Variants in DSE observed in about 807,000 individuals in gnomAD.
DSE encodes the protein dermatan sulfate epimerase, also known as dermatan-sulfate epimerase.
In DSE, 36 loss-of-function variants were observed where a neutral mutation model predicts 84.4. That is an observed-to-expected ratio of 0.43 (90% CI 0.33 to 0.56). DSE has a LOEUF of 0.56. DSE is among the 20% of genes least tolerant of loss of function. The pLI is 0.06. For synonymous variants in DSE, 410 were observed against 430.1 expected (o/e 0.95, Z 0.58); for missense variants, 862 against 1,169.6 (o/e 0.74, Z 3.84).
At chr6:116,295,610 GC>G (rs1475704359) in intron 2 of DSE, among the ~76,000 whole-genome samples, 3 of 152,244 alleles carry the variant, frequency 2.0e-5, no homozygotes, top group South Asian at 2.1e-4. Context: ...TTTTCAGAAA[GC>G]AATAATGTGT....
intron 3 of DSE, among the ~76,000 whole-genome samples, chr6:116,430,205 GT>G (rs1414353039): frequency 1.3e-5 from 2 of 152,116 alleles, no homozygotes; most frequent in Non-Finnish European, 2.9e-5. Flanking sequence ...CAGCCCCACT[GT>G]GCTGCCTTTT....
chr6:116,310,086 T>C (rs892830670), intron 2 of DSE, among the ~76,000 whole-genome samples: 12 of 152,252 alleles, frequency 7.9e-5, no homozygotes. Flanking sequence ...ATAATCTTAT[T>C]TAATCCCTAC....
intron 3 of DSE, 152 bp from the exon 4 acceptor site, chr6:116,430,802 G>T: frequency 9.7e-7 from 1 of 1,030,860 alleles, no homozygotes; most frequent in Non-Finnish European, 1.4e-6. Flanking sequence ...TGGATTACAA[G>T]ATGTTATTTA....
intron 2 of DSE, among the ~76,000 whole-genome samples, chr6:116,329,885 G>A (rs909834644): frequency 6.6e-6 from 1 of 152,154 alleles, no homozygotes. Flanking sequence ...GTGCAATGAC[G>A]CGATCTCAGC....
intron 2 of DSE, among the ~76,000 whole-genome samples, chr6:116,318,483 C>A (rs1776119907): frequency 6.7e-6 from 1 of 148,858 alleles, no homozygotes. Context: ...GGCTGGGCAA[C>A]AGAGTGAGAT....
intron 2 of DSE, among the ~76,000 whole-genome samples, chr6:116,281,345 A>G (rs1285313980): frequency 6.6e-6 from 1 of 152,230 alleles, no homozygotes; most frequent in African/African-American, 2.4e-5. Context: ...AAACTCCAGC[A>G]CTATAAGAAA....
At chr6:116,417,742 A>G (rs1454554355) in intron 2 of DSE, among the ~76,000 whole-genome samples, 1 of 151,952 alleles carries the variant, frequency 6.6e-6, no homozygotes, top group East Asian at 1.9e-4. Context: ...CCATTCTGTC[A>G]TACCGTTCAT....
At chr6:116,272,542 G>A (rs1772926777) in intron 2 of DSE, among the ~76,000 whole-genome samples, 1 of 152,142 alleles carries the variant, frequency 6.6e-6, no homozygotes, top group Non-Finnish European at 1.5e-5. Context: ...GAAACTCTAC[G>A]ATATACCAGG....
chr6:116,322,632 T>C (rs1776397045), intron 2 of DSE, among the ~76,000 whole-genome samples: 1 of 152,068 alleles, frequency 6.6e-6, no homozygotes, highest in Non-Finnish European at 1.5e-5. Context: ...GATTGCCTTC[T>C]TCCTAAAATA....
chr6:116,357,575 C>G (rs1363263015), intron 2 of DSE, among the ~76,000 whole-genome samples: 3 of 152,090 alleles, frequency 2.0e-5, no homozygotes, highest in African/African-American at 7.2e-5. Flanking sequence ...TCAGCAGAGC[C>G]TTGCTTATAT....
intron 1 of DSE, among the ~76,000 whole-genome samples, chr6:116,372,507 T>C (rs1254633336): frequency 1.3e-5 from 2 of 152,146 alleles, no homozygotes; most frequent in Admixed American, 1.3e-4. Context: ...GAAATAGTGA[T>C]AAACAATATT....
chr6:116,268,826 G>C lies in DSE; in HGVS notation c.-54+9859G>C, dbSNP rs1170931947. On this transcript the variant is annotated intron_variant, in intron 2 of 3. Transcript: ENST00000430252. ...TGCCCTCAAAGTTCAAGTTTAAGCTGATATAGATCAGCTTGGCAAAAATAG... is the reference window on the plus strand; with the variant it reads ...TGCCCTCAAAGTTCAAGTTTAAGCTCATATAGATCAGCTTGGCAAAAATAG... Among the ~76,000 whole-genome samples the C allele has an allele frequency of 2.0e-5, 3 of 152,106 alleles. No individual in the cohort carries two copies. In the East Asian group the frequency reaches 5.8e-4, roughly 29 times the overall value.
chr6:116,421,025 T>G (rs183233854), intron 2 of DSE, among the ~76,000 whole-genome samples: 197 of 152,334 alleles, frequency 1.3e-3, no homozygotes, highest in Non-Finnish European at 2.2e-3. Flanking sequence ...ACTGCTCAAC[T>G]TTGGAAAAAT....
chr6:116,431,301 A>C, intron 4 of DSE, 108 bp downstream of exon 4: 7 of 1,401,390 alleles, frequency 5.0e-6, no homozygotes, highest in Non-Finnish European at 6.6e-6. Context: ...AGTTTGTCAT[A>C]TTGAAATTAA....
At chr6:116,305,355 T>C (rs1335184412) in intron 2 of DSE, among the ~76,000 whole-genome samples, 1 of 152,160 alleles carries the variant, frequency 6.6e-6, no homozygotes, top group Non-Finnish European at 1.5e-5. Context: ...TTTTAAAACA[T>C]ATTGTTGCTT....
At chr6:116,284,090 G>GT (rs1430696261) in intron 2 of DSE, among the ~76,000 whole-genome samples, 9 of 152,198 alleles carry the variant, frequency 5.9e-5, no homozygotes, top group African/African-American at 2.2e-4. Context: ...TTCTAATACA[G>GT]TTCTATGGGA....
chr6:116,331,229 A>C (rs1022782457), intron 2 of DSE, among the ~76,000 whole-genome samples: 10 of 152,156 alleles, frequency 6.6e-5, no homozygotes, highest in African/African-American at 2.4e-4. Context: ...GTATTAGTTC[A>C]TTCTCTTGCT....
chr6:116,284,954 A>G (rs1038044986), intron 2 of DSE, among the ~76,000 whole-genome samples: 1 of 152,106 alleles, frequency 6.6e-6, no homozygotes, highest in South Asian at 2.1e-4. Flanking sequence ...AGTCTTTGCT[A>G]TTGTGAATAA....
chr6:116,258,403 C>A, intron 1 of DSE: 1 of 694,078 alleles, frequency 1.4e-6, no homozygotes. Flanking sequence ...TTTTTAAAGT[C>A]ATTATAATAA....
Sources: gnomAD v4.1 joint callset for allele counts (sites outside exome capture counted in the v4.1 genomes callset) on GRCh38, gnomAD v4.1.1 for gene constraint, MANE v1.5 for transcripts, NCBI Gene and HGNC (gene_info 2026-07-23, HGNC 2026-07-21) for gene names.